The following ZNF804A variants were observed in gnomAD, a reference collection of about 807,000 sequenced individuals.
The protein encoded by ZNF804A is zinc finger protein 804A.
Under a neutral mutation model 16.5 loss-of-function variants are expected in ZNF804A, and 2 were observed. The observed-to-expected ratio is 0.12, with a 90% CI of 0.05 to 0.38. The LOEUF (loss-of-function observed/expected upper bound fraction) is 0.38. Among genes scored for constraint, ZNF804A ranks in the 10% least tolerant of loss-of-function variants. The pLI is 0.99. For missense variants in ZNF804A, 1,473 were observed against 1,390.7 expected (o/e 1.06, Z -0.94); for synonymous variants, 534 against 489.6 (o/e 1.09, Z -1.20).
intron 1 of ZNF804A, among the ~76,000 whole-genome samples, chr2:184,837,523 C>T (rs906954479): frequency 1.3e-5 from 2 of 151,988 alleles, no homozygotes; most frequent in Admixed American, 6.6e-5. Context: ...ATTAAAATCA[C>T]TTATGGCACA....
Position 184,829,899 on chromosome 2 carries a change from C to CAAAAAAAAAAAAAAA in ZNF804A, c.112-36461_112-36447dup, listed in dbSNP as rs1244566222. Reference sequence around the variant, plus strand: ...CAACATGTCAAAACCCTGTCTCTACCAAAAAAAAAAAAAAAAAAAAAAACA... The same window carrying CAAAAAAAAAAAAAAA: ...CAACATGTCAAAACCCTGTCTCTACCAAAAAAAAAAAAAAAAAAAAAAAAAAAAAAAAAAAAAACA... On this transcript the variant is annotated intron_variant, in intron 1 of 3. Coordinates refer to ENST00000302277, the MANE Select transcript of ZNF804A (RefSeq NM_194250.2). Among the ~76,000 whole-genome samples, 8 of 38,900 alleles carry CAAAAAAAAAAAAAAA rather than the reference C, an allele frequency of 2.1e-4. 1 individual carries two copies. Among genetic ancestry groups the CAAAAAAAAAAAAAAA allele is most frequent in the African/African-American group, 3.8e-4 (4 of 10,664 alleles). 25.5% of individuals were successfully genotyped at this position (38,900 alleles called of 152,430 possible).
intron 1 of ZNF804A, among the ~76,000 whole-genome samples, chr2:184,788,105 C>G (rs1384742975): frequency 1.3e-5 from 2 of 151,720 alleles, no homozygotes; most frequent in Non-Finnish European, 2.9e-5. Context: ...TGTCATTTTC[C>G]CATTGTTTAT....
intron 1 of ZNF804A, among the ~76,000 whole-genome samples, chr2:184,614,406 A>G (rs1691287595): frequency 6.6e-6 from 1 of 152,236 alleles, no homozygotes; most frequent in Non-Finnish European, 1.5e-5. Flanking sequence ...CACCAAAAGC[A>G]ATGGCAACAA....
At chr2:184,711,498 C>A (rs116538793) in intron 1 of ZNF804A, among the ~76,000 whole-genome samples, 1 of 151,738 alleles carries the variant, frequency 6.6e-6, no homozygotes, top group Admixed American at 6.6e-5. Context: ...TGTGCAGAAG[C>A]TTTTAAGTTA....
At chr2:184,741,504 T>C (rs1693708694) in intron 1 of ZNF804A, among the ~76,000 whole-genome samples, 1 of 152,162 alleles carries the variant, frequency 6.6e-6, no homozygotes, top group African/African-American at 2.4e-5. Flanking sequence ...GAGCTGATAC[T>C]GTGTGACTCA....
chr2:184,874,008 A>T (rs11902536), intron 2 of ZNF804A, among the ~76,000 whole-genome samples: 17,437 of 152,188 alleles, frequency 0.11, 1,481 homozygotes, highest in African/African-American at 0.23. Flanking sequence ...TTAGGATATA[A>T]TCACAAAATG....
chr2:184,767,922 G>A (rs1694154492), intron 1 of ZNF804A, among the ~76,000 whole-genome samples: 1 of 152,014 alleles, frequency 6.6e-6, no homozygotes. Flanking sequence ...CTTCAGTCAT[G>A]TTTTATAGCT....
At chr2:184,707,964 T>C (rs1693059006) in intron 1 of ZNF804A, among the ~76,000 whole-genome samples, 1 of 152,130 alleles carries the variant, frequency 6.6e-6, no homozygotes, top group Non-Finnish European at 1.5e-5. Context: ...TTTTTGACTT[T>C]TTACTAATAG....
intron 1 of ZNF804A, among the ~76,000 whole-genome samples, chr2:184,761,330 A>T (rs1694033921): frequency 1.3e-5 from 2 of 152,088 alleles, no homozygotes; most frequent in Admixed American, 1.3e-4. Context: ...CTTTTCCTTC[A>T]GTTTTCTTAT....
intron 1 of ZNF804A, among the ~76,000 whole-genome samples, chr2:184,788,959 T>C (rs1694490705): frequency 6.6e-6 from 1 of 152,054 alleles, no homozygotes; most frequent in African/African-American, 2.4e-5. Flanking sequence ...CAGCATGATA[T>C]TGGCTGTGGG....
At chr2:184,746,498 T>C (rs1218820190) in intron 1 of ZNF804A, among the ~76,000 whole-genome samples, 2 of 151,476 alleles carry the variant, frequency 1.3e-5, no homozygotes, top group African/African-American at 4.8e-5. Context: ...AATATCAGGG[T>C]GAATGGGGTA....
At chr2:184,894,942 G>C (rs12999617) in intron 2 of ZNF804A, among the ~76,000 whole-genome samples, 49,700 of 151,692 alleles carry the variant, frequency 0.33, 10,827 homozygotes, top group African/African-American at 0.62. Flanking sequence ...ATCCCCCCAC[G>C]TCGGCCTCCA....
chr2:184,705,002 A>G (rs945281072), intron 1 of ZNF804A, among the ~76,000 whole-genome samples: 3 of 152,230 alleles, frequency 2.0e-5, no homozygotes, highest in Admixed American at 1.3e-4. Flanking sequence ...CATTCACACC[A>G]TAAGTTGTTA....
chr2:184,643,287 G>A (rs1691821185), intron 1 of ZNF804A, among the ~76,000 whole-genome samples: 1 of 151,850 alleles, frequency 6.6e-6, no homozygotes, highest in Non-Finnish European at 1.5e-5. Context: ...TTTGTCATTT[G>A]TTTGTCATAT....
chr2:184,599,154 A>T, intron 1 of ZNF804A, 84 bp downstream of exon 1: 1 of 1,123,776 alleles, frequency 8.9e-7, no homozygotes, highest in Non-Finnish European at 1.3e-6. Context: ...TTTGAGATTC[A>T]GTTTGGTTTA....
At chr2:184,612,698 G>T (rs1003113570) in intron 1 of ZNF804A, among the ~76,000 whole-genome samples, 6 of 152,090 alleles carry the variant, frequency 3.9e-5, no homozygotes, top group African/African-American at 1.4e-4. Context: ...GCCTCCCAAA[G>T]GATGTGATTT....
chr2:184,877,190 T>A lies in ZNF804A; in HGVS notation c.255+10678T>A, dbSNP rs1684708734. Among the ~76,000 whole-genome samples, 4 of 152,158 alleles carry A rather than the reference T, an allele frequency of 2.6e-5. No individual in the cohort carries two copies. The South Asian group carries it at 8.3e-4, about 31-fold the overall frequency. On this transcript the variant is annotated intron_variant, in intron 2 of 3. Transcript: ENST00000302277. Reference sequence around the variant, plus strand: ...TTTTACCATTTTATTTTTAATGCACTTTTTAAATGACCATCCTTTAACAAA... The same window carrying A: ...TTTTACCATTTTATTTTTAATGCACATTTTAAATGACCATCCTTTAACAAA...
intron 2 of ZNF804A, among the ~76,000 whole-genome samples, chr2:184,903,270 C>T (rs116651107): frequency 6.6e-6 from 1 of 152,230 alleles, no homozygotes; most frequent in African/African-American, 2.4e-5. Context: ...TACAGTCAAG[C>T]ACCACATCAT....
chr2:184,916,928 G>C (rs1685458339), intron 2 of ZNF804A, among the ~76,000 whole-genome samples: 1 of 152,046 alleles, frequency 6.6e-6, no homozygotes, highest in Non-Finnish European at 1.5e-5. Flanking sequence ...GGCTGATGCT[G>C]TAATTCAGTG....
Sources: gnomAD v4.1 joint callset for allele counts (sites outside exome capture counted in the v4.1 genomes callset) on GRCh38, gnomAD v4.1.1 for gene constraint, MANE v1.5 for transcripts, NCBI Gene and HGNC (gene_info 2026-07-23, HGNC 2026-07-21) for gene names.